Variants in TSPAN4 observed in about 807,000 individuals in gnomAD.
TSPAN4 encodes the protein tetraspanin 4, also known as tetraspanin-4.
In TSPAN4, 38 loss-of-function variants were observed where a neutral mutation model predicts 31.5. The observed-to-expected ratio is 1.21, with a 90% CI of 0.93 to 1.58. TSPAN4 has a LOEUF of 1.58. Ranked by LOEUF, TSPAN4 falls within the 40% of genes most tolerant of loss-of-function variation. TSPAN4 has a pLI of 0.00. For synonymous variants in TSPAN4, 186 were observed against 144.6 expected (o/e 1.29, Z -2.06); for missense variants, 330 against 317.3 (o/e 1.04, Z -0.30).
In TSPAN4 at chr11:862,753, G is replaced by A. The variant is rs1230074668; in HGVS notation, c.255+12G>A. ...GCCTCCTGCTCACTGTGAGTGCCGG[G>A]GCCCAAGCGATGCTCCGGGTGGGAC... is the stretch of plus-strand genomic sequence containing the variant. On this transcript the variant is annotated intron_variant, in intron 4 of 8. Coordinates refer to ENST00000397397, the MANE Select transcript of TSPAN4 (RefSeq NM_003271.5). 1 of 1,603,814 alleles carries A rather than the reference G, an allele frequency of 6.2e-7. No homozygotes were observed.
At chr11:864,554 C>CTA (rs758003700) in intron 5 of TSPAN4, 43 bp downstream of exon 5, 1 of 1,605,586 alleles carries the variant, frequency 6.2e-7, no homozygotes, top group South Asian at 1.1e-5. Flanking sequence ...GGGCTGGGGG[C>CTA]TCCATCCTCA....
In TSPAN4 at chr11:867,055, C is replaced by T. The variant is rs989760644; in HGVS notation, c.*425C>T. 4 of 167,566 alleles carry T rather than the reference C, an allele frequency of 2.4e-5. No homozygotes were observed. Among genetic ancestry groups the T allele is most frequent in the Non-Finnish European group, 2.6e-5 (2 of 77,812 alleles). The allele number at this position is 167,566 out of a possible 1,614,324, so 10.4% of individuals were successfully genotyped here. ...GGCGGGGCCGTGGACCCCTCACCTACATTCCATAGTGGGCCCGTGGGGCTC... is the reference window on the plus strand; with the variant it reads ...GGCGGGGCCGTGGACCCCTCACCTATATTCCATAGTGGGCCCGTGGGGCTC... On this transcript the variant is annotated 3_prime_UTR_variant, in exon 9 of 9. Transcript: ENST00000397397.
chr11:858,915 A>AG (rs1848234287), intron 3 of TSPAN4, among the ~76,000 whole-genome samples: 1 of 43,778 alleles, frequency 2.3e-5, no homozygotes, highest in Non-Finnish European at 4.3e-5. Flanking sequence ...CACGCACCCC[A>AG]GCTCTCACGC....
chr11:842,899 G>C lies in TSPAN4; in HGVS notation c.-134G>C, dbSNP rs1299005942. 3 of 162,912 alleles carry C rather than the reference G, an allele frequency of 1.8e-5. No individual in the cohort carries two copies. Among genetic ancestry groups the C allele is most frequent in the Non-Finnish European group, 2.7e-5 (2 of 75,126 alleles). 10.1% of individuals were successfully genotyped at this position (162,912 alleles called of 1,614,324 possible). ...CGCGGCGGGAGCGGGCGGCGCGAGC[G>C]GGAGGCGGCGGCGCAGGTACTGCGC... On this transcript the variant is annotated 5_prime_UTR_variant, in exon 1 of 9. Transcript: ENST00000397397.
At chr11:864,342 G>T in intron 4 of TSPAN4, 95 bp from the exon 5 acceptor site, 1 of 1,479,266 alleles carries the variant, frequency 6.8e-7, no homozygotes. Flanking sequence ...GCAGCACCAG[G>T]TATCCATGAG....
intron 1 of TSPAN4, among the ~76,000 whole-genome samples, chr11:846,862 C>T (rs1159462211): frequency 2.0e-5 from 3 of 152,186 alleles, no homozygotes; most frequent in Non-Finnish European, 1.5e-5. Flanking sequence ...GCCTGTGTCT[C>T]TGCATGTCCG....
At position 850,257 on chromosome 11, in the gene TSPAN4, T is replaced by C. The variant is rs1847591918; in HGVS notation, c.-17-31T>C. ...CAAGGGCAACAAGTACGTGGTTTTCTACCTGGACCTCTCCTTCATCTTCCT... is the reference window on the plus strand; with the variant it reads ...CAAGGGCAACAAGTACGTGGTTTTCCACCTGGACCTCTCCTTCATCTTCCT... On this transcript the variant is annotated intron_variant, in intron 2 of 8. Coordinates refer to ENST00000397397, the MANE Select transcript of TSPAN4 (RefSeq NM_003271.5). 5 of 1,564,802 alleles carry C rather than the reference T, an allele frequency of 3.2e-6. No individual in the cohort carries two copies. In the East Asian group the frequency reaches 1.2e-4, roughly 36 times the overall value.
intron 4 of TSPAN4, chr11:863,052 C>T (rs938712246): frequency 6.7e-5 from 18 of 268,320 alleles, no homozygotes; most frequent in South Asian, 1.2e-4. Flanking sequence ...CACGTACACA[C>T]GCATGCGCAG....
Position 866,570 on chromosome 11 carries a change from C to G in TSPAN4, c.657C>G (p.Gly219=). 1 of 1,613,412 alleles carries G rather than the reference C, an allele frequency of 6.2e-7. No homozygotes were observed. Among genetic ancestry groups the G allele is most frequent in the Non-Finnish European group, 8.5e-7 (1 of 1,179,788 alleles). The change falls in exon 9 of 9, where the codon GGC becomes GGG. Residue 219 remains glycine, a synonymous_variant. Transcript: ENST00000397397. ...GLCTALVQIL[G]LTFAMTMYCQ... ...TCCTCCCCTACCTACAGATCCTGGG[C>G]CTGACCTTCGCCATGACCATGTACT...
At chr11:852,308 G>C (rs1288601257) in intron 3 of TSPAN4, among the ~76,000 whole-genome samples, 1 of 152,106 alleles carries the variant, frequency 6.6e-6, no homozygotes, top group East Asian at 1.9e-4. Flanking sequence ...ATTTTTAGTA[G>C]AGACAGGGTT....
Position 862,576 on chromosome 11 carries a change from C to A in TSPAN4, c.90C>A (p.Val30=). The part of the protein sequence containing the change: ...FWLGGCGVLG[V]GIWLAATQGS... The stretch of plus-strand genomic sequence containing the variant: ...TGGGAGGCTGTGGCGTGCTGGGTGT[C>A]GGCATCTGGCTGGCCGCCACACAGG... Residue 30 remains valine (V), a synonymous_variant, in exon 4 of 9, where the codon GTC becomes GTA. Coordinates refer to ENST00000397397, the MANE Select transcript of TSPAN4 (RefSeq NM_003271.5). 6.2e-7 allele frequency: 1 copy of A among 1,610,398 alleles called. No homozygotes were observed. The highest frequency in any genetic ancestry group is 8.5e-7 in the Non-Finnish European group (1 of 1,178,872).
Position 866,004 on chromosome 11 carries a change from A to AT in TSPAN4, c.648+4dup. 2 of 1,611,804 alleles carry AT rather than the reference A, an allele frequency of 1.2e-6. No homozygotes were observed. The highest frequency in any genetic ancestry group is 1.7e-6 in the Non-Finnish European group (2 of 1,179,906). On this transcript the variant is annotated splice_donor_region_variant and intron_variant, in intron 8 of 8. Coordinates refer to ENST00000397397, the MANE Select transcript of TSPAN4 (RefSeq NM_003271.5). ...GGCTGTGCACGGCGCTGGTGCAGGT[A>AT]TGGCCTGGGGGCCTGCGGGCTCCCT...
rs138670677 is a variant in TSPAN4, at chr11:848,683, C to T, written c.-18+1383C>T. Reference sequence around the variant, plus strand: ...CCCCTCCCTTAGCTTCCTCTCCCTCCTCTTCCTCCTGCCCTTCCTCATTCC... The same window carrying T: ...CCCCTCCCTTAGCTTCCTCTCCCTCTTCTTCCTCCTGCCCTTCCTCATTCC... On this transcript the variant is annotated intron_variant, in intron 2 of 8. Coordinates refer to ENST00000397397, the MANE Select transcript of TSPAN4 (RefSeq NM_003271.5). This position sits in a 1 kb window ranked among gnomAD's most constrained non-coding sequence, Gnocchi z 5.7. 3.7e-3 allele frequency: 1,866 copies of T among 504,968 alleles called. 30 individuals carry two copies. Among genetic ancestry groups the T allele is most frequent in the African/African-American group, 0.034 (1,733 of 51,002 alleles). 31.3% of individuals were successfully genotyped at this position (504,968 alleles called of 1,614,324 possible). A position where few individuals can be genotyped will look rare whatever the true frequency, so the allele number is the denominator to read the frequency against.
chr11:842,907 G>A lies in TSPAN4; in HGVS notation c.-126G>A, dbSNP rs537043278. The A allele has an allele frequency of 6.1e-5, 10 of 162,796 alleles. No individual in the cohort carries two copies. In the East Asian group the frequency reaches 1.6e-3, roughly 25 times the overall value. The allele number at this position is 162,796 out of a possible 1,614,324, so 10.1% of individuals were successfully genotyped here. A position where few individuals can be genotyped will look rare whatever the true frequency, so the allele number is the denominator to read the frequency against. On this transcript the variant is annotated 5_prime_UTR_variant, in exon 1 of 9. Transcript: ENST00000397397. ...GAGCGGGCGGCGCGAGCGGGAGGCG[G>A]CGGCGCAGGTACTGCGCCTGGGGGT...
At chr11:861,994 G>A (rs941571318) in intron 3 of TSPAN4, among the ~76,000 whole-genome samples, 1 of 152,206 alleles carries the variant, frequency 6.6e-6, no homozygotes, top group Non-Finnish European at 1.5e-5. Flanking sequence ...CTCCTGCCAC[G>A]AGTGACAGGG....
intron 3 of TSPAN4, chr11:857,910 G>C (rs1052059064): frequency 1.5e-4 from 23 of 152,264 alleles, no homozygotes; most frequent in Admixed American, 1.4e-3. Flanking sequence ...TCATCACCTG[G>C]TGATCTGGAC....
At position 848,635 on chromosome 11, in the gene TSPAN4, G is replaced by A. The variant is rs1847449658; in HGVS notation, c.-18+1335G>A. Among the ~76,000 whole-genome samples the A allele has an allele frequency of 1.3e-5, 2 of 152,154 alleles. No individual in the cohort carries two copies. The highest frequency in any genetic ancestry group is 4.8e-5 in the African/African-American group (2 of 41,440). Reference sequence around the variant, plus strand: ...GGACCCAGGCCTCCAGAGCTGGTCAGCCCTGCCATGGAGCACCCCCTTCCC... The same window carrying A: ...GGACCCAGGCCTCCAGAGCTGGTCAACCCTGCCATGGAGCACCCCCTTCCC... On this transcript the variant is annotated intron_variant, in intron 2 of 8. Transcript: ENST00000397397. The surrounding 1 kb of genome is among the most constrained non-coding windows in gnomAD (Gnocchi z 5.7).
At position 864,477 on chromosome 11, in the gene TSPAN4, C is replaced by T. The variant is rs754685019; in HGVS notation, c.296C>T (p.Thr99Ile). ...LLLLVFLLEA[T>I]IAILFFAYTD... is the part of the protein sequence containing the mutation. Reference sequence around the variant, plus strand: ...CTGCTGGTGTTCCTGCTGGAGGCCACCATCGCCATCCTCTTCTTCGCCTAC... The same window carrying T: ...CTGCTGGTGTTCCTGCTGGAGGCCATCATCGCCATCCTCTTCTTCGCCTAC... The change falls in exon 5 of 9, where the codon ACC (threonine) becomes ATC (isoleucine). Residue 99 changes from threonine (T) to isoleucine (I), a missense_variant. Physicochemically the swap from Thr to Ile is moderately conservative, Grantham distance 89. Transcript: ENST00000397397. 14 of 1,612,714 alleles carry T rather than the reference C, an allele frequency of 8.7e-6. No homozygotes were observed. The East Asian group carries it at 2.9e-4, about 33-fold the overall frequency.
rs565857862 is a variant in TSPAN4, at chr11:861,509, A to G, written c.64-1041A>G. 5.6e-3 allele frequency among the ~76,000 whole-genome samples: 858 copies of G among 152,214 alleles called. 8 individuals carry two copies. Among genetic ancestry groups the G allele is most frequent in the Non-Finnish European group, 5.0e-3 (340 of 68,012 alleles). On this transcript the variant is annotated intron_variant, in intron 3 of 8. Coordinates refer to ENST00000397397, the MANE Select transcript of TSPAN4 (RefSeq NM_003271.5). ...GGGTGGATCACGAGGTTGGGAGATC[A>G]AGACCATCCTGGCTAACACGGTGAA...
Sources: gnomAD v4.1 joint callset for allele counts (sites outside exome capture counted in the v4.1 genomes callset) on GRCh38, gnomAD v4.1.1 for gene constraint, Gnocchi (gnomAD v3.1) non-coding constraint, MANE v1.5 for transcripts, NCBI Gene and HGNC (gene_info 2026-07-23, HGNC 2026-07-21) for gene names.